CPQ: variants seen among roughly 807,000 people sequenced by gnomAD.
CPQ encodes carboxypeptidase Q, also known as Ser-Met dipeptidase.
A neutral mutation model predicts 45.7 loss-of-function variants in CPQ; 37 were observed. The ratio of observed to expected loss-of-function variants is 0.81; its 90% CI spans 0.62 to 1.07. CPQ has a LOEUF of 1.07. Ranked by LOEUF, CPQ falls within the 50% of genes least tolerant of loss-of-function variation. The pLI is 0.00. For missense variants in CPQ, 537 were observed against 572.9 expected, an observed-to-expected ratio of 0.94 and a Z score of 0.64; for synonymous variants, 186 against 205.8, an observed-to-expected ratio of 0.90 and a Z score of 0.82.
chr8:96,897,212 C>T (rs1276368827), intron 4 of CPQ, among the ~76,000 whole-genome samples: 3 of 152,244 alleles, frequency 2.0e-5, no homozygotes, highest in African/African-American at 7.2e-5. Flanking sequence ...GTGAGAAAAA[C>T]GTAGCAGATT....
chr8:96,834,014 G>C (rs1405773803), intron 2 of CPQ, among the ~76,000 whole-genome samples: 2 of 152,188 alleles, frequency 1.3e-5, no homozygotes, highest in African/African-American at 4.8e-5. Flanking sequence ...CTTCATGACT[G>C]CATGGCTAAA....
intron 2 of CPQ, among the ~76,000 whole-genome samples, chr8:96,806,052 A>G (rs1333404714): frequency 6.6e-6 from 1 of 152,096 alleles, no homozygotes; most frequent in Admixed American, 6.6e-5. Context: ...TGGGGATGGA[A>G]CCAACCTAGG....
intron 1 of CPQ, among the ~76,000 whole-genome samples, chr8:96,653,240 T>G (rs1172286017): frequency 6.6e-6 from 1 of 152,236 alleles, no homozygotes; most frequent in Non-Finnish European, 1.5e-5. Flanking sequence ...TTTGTCATTT[T>G]CTGTCTTTTT....
At chr8:96,947,281 G>A (rs1426597567) in intron 4 of CPQ, among the ~76,000 whole-genome samples, 1 of 152,156 alleles carries the variant, frequency 6.6e-6, no homozygotes, top group Non-Finnish European at 1.5e-5. Flanking sequence ...ATGTATGAAA[G>A]TGGTCTCACA....
chr8:96,915,779 G>T (rs551023645), intron 4 of CPQ, among the ~76,000 whole-genome samples: 1 of 152,200 alleles, frequency 6.6e-6, no homozygotes, highest in East Asian at 1.9e-4. Flanking sequence ...GTTCCTTAAA[G>T]GAACTTAGGC....
At chr8:96,697,289 T>G (rs1261805998) in intron 1 of CPQ, among the ~76,000 whole-genome samples, 1 of 152,214 alleles carries the variant, frequency 6.6e-6, no homozygotes, top group Non-Finnish European at 1.5e-5. Context: ...TTATTTCAAC[T>G]GATGCTGAAA....
intron 1 of CPQ, among the ~76,000 whole-genome samples, chr8:96,680,003 CATT>C (rs1386700043): frequency 6.6e-6 from 1 of 152,030 alleles, no homozygotes; most frequent in Non-Finnish European, 1.5e-5. Flanking sequence ...TGAAATACAT[CATT>C]AAGTTGTTTA....
intron 4 of CPQ, among the ~76,000 whole-genome samples, chr8:96,935,651 G>A (rs532198853): frequency 3.5e-4 from 53 of 152,314 alleles, no homozygotes; most frequent in Non-Finnish European, 5.4e-4. Context: ...AGGACTGTAC[G>A]TGTTTTAGTT....
At chr8:96,954,846 G>C (rs1317240216) in intron 4 of CPQ, among the ~76,000 whole-genome samples, 2 of 152,182 alleles carry the variant, frequency 1.3e-5, no homozygotes, top group East Asian at 3.9e-4. Flanking sequence ...AACATGCGGT[G>C]TTTGGTTTTT....
chr8:96,872,278 A>G (rs1195940115), intron 3 of CPQ, among the ~76,000 whole-genome samples: 1 of 152,034 alleles, frequency 6.6e-6, no homozygotes, highest in East Asian at 1.9e-4. Flanking sequence ...GCATGAAACA[A>G]AATTTTAACT....
chr8:96,798,933 A>T (rs1454843513), intron 2 of CPQ, among the ~76,000 whole-genome samples: 1 of 152,080 alleles, frequency 6.6e-6, no homozygotes, highest in Non-Finnish European at 1.5e-5. Context: ...GGTATGTCAT[A>T]GATACATATT....
At chr8:96,694,041 G>A (rs1451265930) in intron 1 of CPQ, among the ~76,000 whole-genome samples, 1 of 152,120 alleles carries the variant, frequency 6.6e-6, no homozygotes, top group Non-Finnish European at 1.5e-5. Context: ...TAAGTCACCA[G>A]TTTAAAATAA....
intron 1 of CPQ, among the ~76,000 whole-genome samples, chr8:96,738,835 C>T (rs1006977692): frequency 2.6e-5 from 4 of 152,062 alleles, no homozygotes; most frequent in South Asian, 2.1e-4. Context: ...GTATATGTGC[C>T]ACATTTTCTT....
At chr8:97,078,763 T>TTC (rs749278181) in intron 7 of CPQ, among the ~76,000 whole-genome samples, 11,855 of 100,060 alleles carry the variant, frequency 0.12, 640 homozygotes, top group Non-Finnish European at 0.13. Context: ...TCATTTCCAT[T>TTC]TCTCTCTCTC....
chr8:96,868,635 T>C (rs1249081449), intron 3 of CPQ, among the ~76,000 whole-genome samples: 2 of 152,060 alleles, frequency 1.3e-5, no homozygotes. Flanking sequence ...TTAGTAGTTA[T>C]ATGAAAATGA....
At chr8:97,088,094 A>G (rs1298439914) in intron 7 of CPQ, among the ~76,000 whole-genome samples, 6 of 152,222 alleles carry the variant, frequency 3.9e-5, no homozygotes, top group African/African-American at 1.4e-4. Flanking sequence ...GTATGTTGTC[A>G]AAAAAGAAAG....
chr8:96,874,720 G>T (rs998201759), intron 3 of CPQ, among the ~76,000 whole-genome samples: 1 of 151,672 alleles, frequency 6.6e-6, no homozygotes, highest in Non-Finnish European at 1.5e-5. Context: ...ACTGCATTTT[G>T]TTTACACATT....
At chr8:97,041,889 G>A (rs1024510027) in intron 6 of CPQ, among the ~76,000 whole-genome samples, 1 of 152,208 alleles carries the variant, frequency 6.6e-6, no homozygotes, top group African/African-American at 2.4e-5. Context: ...CAGTTTGCCA[G>A]TATTTTATTG....
At chr8:97,032,758 G>A (rs1011976324) in intron 6 of CPQ, among the ~76,000 whole-genome samples, 1 of 152,182 alleles carries the variant, frequency 6.6e-6, no homozygotes, top group African/African-American at 2.4e-5. Context: ...AAGAAAAGGA[G>A]TCACAGTCTT....
Sources: allele counts gnomAD v4.1 joint callset (sites outside exome capture counted in the v4.1 genomes callset), GRCh38; gene constraint gnomAD v4.1.1; transcripts MANE v1.5; gene names NCBI Gene and HGNC (gene_info 2026-07-23, HGNC 2026-07-21).